CMIP: variants seen among roughly 807,000 people sequenced by gnomAD.
CMIP encodes c-Maf inducing protein.
CMIP carries 13 observed loss-of-function variants against 97.3 expected under a neutral mutation model. The ratio of observed to expected loss-of-function variants is 0.13; its 90% CI spans 0.09 to 0.21. The LOEUF is 0.21. CMIP is among the 10% of genes least tolerant of loss of function. The probability of loss-of-function intolerance (pLI) is 1.00; values close to 1 mark genes in which losing one functional copy is unlikely to be tolerated. For synonymous variants in CMIP, 538 were observed against 436.3 expected, an observed-to-expected ratio of 1.23 and a Z score of -2.91; for missense variants, 847 against 1,024.9, an observed-to-expected ratio of 0.83 and a Z score of 2.37.
At chr16:81,574,980 C>T (rs2091163644) in intron 1 of CMIP, among the ~76,000 whole-genome samples, 1 of 152,240 alleles carries the variant, frequency 6.6e-6, no homozygotes, top group African/African-American at 2.4e-5. Flanking sequence ...ATTCCTACCT[C>T]ATTTCATCCT....
In CMIP at chr16:81,620,974, C is replaced by T. The variant is rs186948354; in HGVS notation, c.477+48C>T. On this transcript the variant is annotated intron_variant, in intron 3 of 20. Coordinates refer to ENST00000537098, the MANE Select transcript of CMIP (RefSeq NM_198390.3). The stretch of plus-strand genomic sequence containing the variant: ...GTTTAAAGCGACTCAGGCAGTGGTG[C>T]GATGGCTTAAAGCCAATCTGTCACC... The T allele has an allele frequency of 1.6e-4, 260 of 1,608,076 alleles. No homozygotes were observed. The African/African-American group carries it at 2.7e-3, about 17-fold the overall frequency.
intron 1 of CMIP, among the ~76,000 whole-genome samples, chr16:81,477,842 A>T (rs1443868024): frequency 1.3e-5 from 2 of 152,194 alleles, no homozygotes. Flanking sequence ...GTTAGTGGGA[A>T]ATGGGATCTT....
intron 1 of CMIP, among the ~76,000 whole-genome samples, chr16:81,490,476 T>C (rs1201646742): frequency 6.6e-6 from 1 of 152,080 alleles, no homozygotes; most frequent in East Asian, 1.9e-4. Context: ...AAAAATTAGC[T>C]GAGTGTGGCG....
intron 1 of CMIP, among the ~76,000 whole-genome samples, chr16:81,567,507 G>A (rs759647059): frequency 2.0e-5 from 3 of 152,352 alleles, no homozygotes; most frequent in Admixed American, 6.5e-5. Flanking sequence ...TTCCCTTGCT[G>A]CACAACTTTG....
At chr16:81,530,411 G>A (rs903164490) in intron 1 of CMIP, among the ~76,000 whole-genome samples, 12 of 152,102 alleles carry the variant, frequency 7.9e-5, no homozygotes, top group Non-Finnish European at 1.6e-4. Context: ...GGGGTGTGTA[G>A]TGAGTATCAC....
intron 3 of CMIP, among the ~76,000 whole-genome samples, chr16:81,628,524 G>A (rs1362468566): frequency 6.6e-6 from 1 of 152,170 alleles, no homozygotes; most frequent in African/African-American, 2.4e-5. Flanking sequence ...TTACTGATGT[G>A]GAAACTGAGG....
chr16:81,445,564 A>G, intron 1 of CMIP, 23 bp downstream of exon 1: 3 of 1,498,526 alleles, frequency 2.0e-6, no homozygotes, highest in Non-Finnish European at 2.7e-6. Flanking sequence ...GCGCGGCTGC[A>G]CCCCCGCCTC....
At chr16:81,537,546 C>CCAAAAAAAAAAA (rs1453307752) in intron 1 of CMIP, among the ~76,000 whole-genome samples, 1 of 82,066 alleles carries the variant, frequency 1.2e-5, no homozygotes, top group Non-Finnish European at 2.3e-5. Flanking sequence ...AAAAAAAAGA[C>CCAAAAAAAAAAA]AAAAAAAAAA....
chr16:81,692,192 C>T (rs1322401552), intron 11 of CMIP, among the ~76,000 whole-genome samples: 1 of 152,200 alleles, frequency 6.6e-6, no homozygotes, highest in Non-Finnish European at 1.5e-5. Context: ...ACCGTAATAC[C>T]TGCCGCTCCT....
intron 10 of CMIP, 140 bp from the exon 11 acceptor site, chr16:81,691,635 G>A: frequency 2.9e-6 from 2 of 689,086 alleles, no homozygotes; most frequent in Non-Finnish European, 5.3e-6. Context: ...CATCCTGGAG[G>A]TGGAAGTGGG....
At chr16:81,596,144 C>G (rs554793645) in intron 1 of CMIP, among the ~76,000 whole-genome samples, 1 of 152,072 alleles carries the variant, frequency 6.6e-6, no homozygotes, top group Non-Finnish European at 1.5e-5. Context: ...TCAGAGATAC[C>G]AAGCGACTTG....
chr16:81,641,254 A>C (rs1484745644), intron 3 of CMIP, among the ~76,000 whole-genome samples: 2 of 152,092 alleles, frequency 1.3e-5, no homozygotes, highest in African/African-American at 4.8e-5. Context: ...GTTAGCCTTC[A>C]GTGCCATTTT....
At chr16:81,582,606 G>A (rs938556694) in intron 1 of CMIP, among the ~76,000 whole-genome samples, 1 of 152,166 alleles carries the variant, frequency 6.6e-6, no homozygotes, top group African/African-American at 2.4e-5. Context: ...CAAACACTCC[G>A]AACCCAGCCC....
intron 1 of CMIP, among the ~76,000 whole-genome samples, chr16:81,478,218 G>A (rs774243046): frequency 7.2e-5 from 11 of 152,122 alleles, no homozygotes; most frequent in Admixed American, 2.6e-4. Flanking sequence ...TCAAGCTTCC[G>A]GAACAGGCCA....
chr16:81,451,309 C>T (rs988417967), intron 1 of CMIP, among the ~76,000 whole-genome samples: 2 of 152,194 alleles, frequency 1.3e-5, no homozygotes, highest in Non-Finnish European at 2.9e-5. Flanking sequence ...CTTTCATTCT[C>T]CTCTTGTCTG....
chr16:81,561,070 T>C (rs1307604796), intron 1 of CMIP, among the ~76,000 whole-genome samples: 1 of 152,226 alleles, frequency 6.6e-6, no homozygotes, highest in East Asian at 1.9e-4. Flanking sequence ...TTCTCATGCC[T>C]CAGCCTCCTA....
At chr16:81,706,975 G>C in intron 19 of CMIP, 39 bp from the exon 20 acceptor site, 1 of 1,585,376 alleles carries the variant, frequency 6.3e-7, no homozygotes, top group South Asian at 1.1e-5. Context: ...TACCTTTGGG[G>C]CCTCGCTCTC....
intron 1 of CMIP, among the ~76,000 whole-genome samples, chr16:81,548,928 A>T (rs887388172): frequency 6.6e-6 from 1 of 151,836 alleles, no homozygotes; most frequent in Non-Finnish European, 1.5e-5. Flanking sequence ...TTACACATTG[A>T]CTCCTTCATT....
chr16:81,571,561 G>A (rs2091088000), intron 1 of CMIP, among the ~76,000 whole-genome samples: 1 of 135,120 alleles, frequency 7.4e-6, no homozygotes, highest in South Asian at 2.2e-4. Flanking sequence ...ACCAGTTTGG[G>A]CAACATAGTG....
Sources: gnomAD v4.1 joint callset for allele counts (sites outside exome capture counted in the v4.1 genomes callset) on GRCh38, gnomAD v4.1.1 for gene constraint, MANE v1.5 for transcripts, NCBI Gene and HGNC (gene_info 2026-07-23, HGNC 2026-07-21) for gene names.